The following DHX15 variants were observed in gnomAD, a reference collection of about 807,000 sequenced individuals.
DHX15 encodes ATP-dependent RNA helicase DHX15.
In DHX15, 11 loss-of-function variants were observed where a neutral mutation model predicts 94.4. That is an observed-to-expected ratio of 0.12 (90% CI 0.07 to 0.19). DHX15 has a LOEUF of 0.19. DHX15 is among the 10% of genes least tolerant of loss of function. The pLI is 1.00. For missense variants in DHX15, 304 were observed against 988.5 expected (o/e 0.31, Z 9.29); for synonymous variants, 338 against 329.9 (o/e 1.02, Z -0.27).
intron 7 of DHX15, among the ~76,000 whole-genome samples, chr4:24,542,296 G>C (rs1292227506): frequency 6.6e-6 from 1 of 151,996 alleles, no homozygotes; most frequent in Non-Finnish European, 1.5e-5. Flanking sequence ...AGTTCTATCA[G>C]GCTGACCTTG....
rs1012815211 is a variant in DHX15 at position 24,583,988 on chromosome 4, C to T, written c.71+335G>A. Among the ~76,000 whole-genome samples the T allele has an allele frequency of 9.9e-5, 15 of 152,224 alleles. 1 individual carries two copies. Among genetic ancestry groups the T allele is most frequent in the African/African-American group, 1.9e-4 (8 of 41,466 alleles). On this transcript the variant is annotated intron_variant, in intron 1 of 13. Transcript: ENST00000336812. ...TCCGGCTCCAGGCCTTCCTCGGGAACCGAGGCCACGAGGTCCGCGGTTCAC... is the reference window on the plus strand; with the variant it reads ...TCCGGCTCCAGGCCTTCCTCGGGAATCGAGGCCACGAGGTCCGCGGTTCAC...
chr4:24,535,193 T>A (rs1034477484), intron 11 of DHX15, among the ~76,000 whole-genome samples: 2 of 152,176 alleles, frequency 1.3e-5, no homozygotes, highest in African/African-American at 2.4e-5. Context: ...CACCTCTTGT[T>A]TACAGGCCAC....
chr4:24,576,695 A>G lies in DHX15; in HGVS notation c.72-17T>C. On this transcript the variant is annotated splice_polypyrimidine_tract_variant and intron_variant, in intron 1 of 13. Coordinates refer to ENST00000336812, the MANE Select transcript of DHX15 (RefSeq NM_001358.3). ...CGATCCTTCCTAAAAACAAAAATTTAGAATTCAGATTCTGAATTTTATGCA... is the reference window on the plus strand; with the variant it reads ...CGATCCTTCCTAAAAACAAAAATTTGGAATTCAGATTCTGAATTTTATGCA... 2 of 1,607,204 alleles carry G rather than the reference A, an allele frequency of 1.2e-6. No individual in the cohort carries two copies. The highest frequency in any genetic ancestry group is 1.7e-6 in the Non-Finnish European group (2 of 1,175,104).
intron 4 of DHX15, among the ~76,000 whole-genome samples, chr4:24,555,192 A>G (rs1226243852): frequency 6.6e-6 from 1 of 152,118 alleles, no homozygotes; most frequent in East Asian, 1.9e-4. Flanking sequence ...CCTTAAAATC[A>G]GATTTTATAA....
At position 24,547,897 on chromosome 4, in the gene DHX15, G is replaced by GTA. The variant is rs869284515; in HGVS notation, c.1248+956_1248+957dup. Among the ~76,000 whole-genome samples the GTA allele has an allele frequency of 1.8e-3, 100 of 55,738 alleles. 2 individuals carry two copies. The highest frequency in any genetic ancestry group is 3.7e-3 in the East Asian group (6 of 1,606). The allele number at this position is 55,738 out of a possible 152,430, so 36.6% of individuals were successfully genotyped here. On this transcript the variant is annotated intron_variant, in intron 6 of 13. Coordinates refer to ENST00000336812, the MANE Select transcript of DHX15 (RefSeq NM_001358.3). ...TCTCTCTCTCTCTCTCTCTATGTATGTATGTGTATATATATATATATATAT... is the reference window on the plus strand; with the variant it reads ...TCTCTCTCTCTCTCTCTCTATGTATGTATATGTGTATATATATATATATATAT...
chr4:24,581,029 T>C, intron 1 of DHX15: 2 of 148,768 alleles, frequency 1.3e-5, no homozygotes, highest in South Asian at 4.2e-4. Flanking sequence ...CTATTTATTT[T>C]TTATTATTTT....
At chr4:24,580,957 A>G (rs1421161514) in intron 1 of DHX15, 1 of 152,164 alleles carries the variant, frequency 6.6e-6, no homozygotes, top group Non-Finnish European at 1.5e-5. Flanking sequence ...ATATCAATGA[A>G]CAGGATATTG....
intron 3 of DHX15, among the ~76,000 whole-genome samples, chr4:24,568,880 T>C (rs1310258637): frequency 6.6e-6 from 1 of 152,222 alleles, no homozygotes; most frequent in Non-Finnish European, 1.5e-5. Flanking sequence ...ATCAATAACG[T>C]ATCACTGAAC....
intron 3 of DHX15, among the ~76,000 whole-genome samples, chr4:24,556,903 A>T (rs996301281): frequency 6.6e-6 from 1 of 152,192 alleles, no homozygotes; most frequent in Admixed American, 6.5e-5. Context: ...TTGGTTCAAA[A>T]GGGCTGAAAG....
intron 1 of DHX15, among the ~76,000 whole-genome samples, chr4:24,582,659 T>G (rs1214405889): frequency 6.6e-6 from 1 of 152,232 alleles, no homozygotes; most frequent in Non-Finnish European, 1.5e-5. Flanking sequence ...TACTGAACTG[T>G]GTGCTGCTGA....
intron 10 of DHX15, chr4:24,538,463 A>C (rs1721237383): frequency 6.6e-6 from 1 of 152,140 alleles, no homozygotes; most frequent in African/African-American, 2.4e-5. Flanking sequence ...ACTAGCCACT[A>C]GAGTTAAGTG....
At chr4:24,572,594 A>G (rs995676993) in intron 2 of DHX15, among the ~76,000 whole-genome samples, 3 of 152,258 alleles carry the variant, frequency 2.0e-5, no homozygotes, top group African/African-American at 7.2e-5. Flanking sequence ...TACTGTTAAG[A>G]AATTAAAACT....
intron 6 of DHX15, among the ~76,000 whole-genome samples, chr4:24,545,683 G>A (rs1721407162): frequency 6.6e-6 from 1 of 152,198 alleles, no homozygotes; most frequent in Admixed American, 6.5e-5. Flanking sequence ...TGGTACTTCA[G>A]CAGTTGAGTG....
chr4:24,539,462 T>TA (rs1214425129), intron 10 of DHX15, among the ~76,000 whole-genome samples: 1 of 152,200 alleles, frequency 6.6e-6, no homozygotes, highest in Admixed American at 6.5e-5. Context: ...ATTTTATTGT[T>TA]ACTAAAAACA....
chr4:24,540,635 T>C (rs1721289685), intron 9 of DHX15, among the ~76,000 whole-genome samples: 2 of 129,796 alleles, frequency 1.5e-5, no homozygotes, highest in Non-Finnish European at 3.5e-5. Flanking sequence ...CCCCCCATAA[T>C]AACTTTTGAA....
chr4:24,579,523 CG>C (rs1429154089), intron 1 of DHX15, among the ~76,000 whole-genome samples: 3 of 152,144 alleles, frequency 2.0e-5, no homozygotes, highest in African/African-American at 7.2e-5. Context: ...AGCCACACCA[CG>C]AGCAGGGAGG....
rs1386127702 is a variant in DHX15 at position 24,537,698 on chromosome 4, G to T, written c.1787-525C>A. 1 of 152,498 alleles carries T rather than the reference G, an allele frequency of 6.6e-6. No homozygotes were observed. Among genetic ancestry groups the T allele is most frequent in the East Asian group, 1.9e-4 (1 of 5,198 alleles). The allele number at this position is 152,498 out of a possible 1,614,324, so 9.4% of individuals were successfully genotyped here. ...AATACTGTGGCTATTACCAACTGGT[G>T]GGTATCACTATTAGCACCGGTGAGC... is the stretch of plus-strand genomic sequence containing the variant. On this transcript the variant is annotated intron_variant, in intron 10 of 13. Transcript: ENST00000336812. The surrounding 1 kb of genome is among the most constrained non-coding windows in gnomAD (Gnocchi z 4.7).
At chr4:24,547,219 C>T (rs1026880021) in intron 6 of DHX15, among the ~76,000 whole-genome samples, 1 of 152,210 alleles carries the variant, frequency 6.6e-6, no homozygotes, top group Admixed American at 6.5e-5. Context: ...CCTACAGTTT[C>T]GGCTGAAACA....
chr4:24,538,737 GTTT>G (rs3840306), intron 10 of DHX15: 36 of 151,658 alleles, frequency 2.4e-4, no homozygotes, highest in Non-Finnish European at 4.3e-4. Context: ...ATAAAAATAA[GTTT>G]TTTTTAATTA....
Sources: allele counts gnomAD v4.1 joint callset (sites outside exome capture counted in the v4.1 genomes callset), GRCh38; gene constraint gnomAD v4.1.1; non-coding constraint Gnocchi (gnomAD v3.1); transcripts MANE v1.5; gene names NCBI Gene and HGNC (gene_info 2026-07-23, HGNC 2026-07-21).